FANCC: variants seen among roughly 807,000 people sequenced by gnomAD.
FANCC encodes the protein Fanconi anemia group C protein.
Under a neutral mutation model 71.3 loss-of-function variants are expected in FANCC, and 55 were observed. That is an observed-to-expected ratio of 0.77 (90% CI 0.62 to 0.97). The LOEUF is 0.97. Among genes scored for constraint, FANCC ranks in the 50% least tolerant of loss-of-function variants. The probability of loss-of-function intolerance (pLI) is 0.00; values close to 1 mark genes in which losing one functional copy is unlikely to be tolerated. For missense variants in FANCC, 678 were observed against 670.9 expected (o/e 1.01, Z -0.12); for synonymous variants, 275 against 244.9 (o/e 1.12, Z -1.15).
intron 4 of FANCC, among the ~76,000 whole-genome samples, chr9:95,207,140 C>G (rs1428351152): frequency 6.6e-6 from 1 of 152,088 alleles, no homozygotes; most frequent in Non-Finnish European, 1.5e-5. Context: ...CAAGGAAGAC[C>G]CTAAACCTCC....
chr9:95,131,100 A>T (rs552608514), intron 8 of FANCC, among the ~76,000 whole-genome samples: 47 of 152,256 alleles, frequency 3.1e-4, no homozygotes, highest in Non-Finnish European at 6.6e-4. Context: ...TACACAAACA[A>T]TTTTTTCAGT....
At chr9:95,290,982 T>C (rs1833962602) in intron 1 of FANCC, among the ~76,000 whole-genome samples, 1 of 152,142 alleles carries the variant, frequency 6.6e-6, no homozygotes, top group African/African-American at 2.4e-5. Flanking sequence ...AAAAATCATA[T>C]GATCATCTCA....
At chr9:95,260,693 A>AAC (rs1309309424) in intron 1 of FANCC, among the ~76,000 whole-genome samples, 1 of 151,840 alleles carries the variant, frequency 6.6e-6, no homozygotes, top group Non-Finnish European at 1.5e-5. Flanking sequence ...ATATAAAAAA[A>AAC]AAAAAAAAAC....
intron 4 of FANCC, among the ~76,000 whole-genome samples, chr9:95,191,156 G>A (rs1322562792): frequency 6.6e-6 from 1 of 152,028 alleles, no homozygotes; most frequent in Non-Finnish European, 1.5e-5. Flanking sequence ...GGGGTCTTCT[G>A]TCATAAAAGA....
intron 7 of FANCC, among the ~76,000 whole-genome samples, chr9:95,138,880 C>T (rs745836965): frequency 5.3e-5 from 8 of 152,220 alleles, no homozygotes; most frequent in East Asian, 3.9e-4. Flanking sequence ...AGTTTGAAAA[C>T]GATGTGTGTT....
At chr9:95,110,674 C>A in intron 13 of FANCC, 1 of 1,051,636 alleles carries the variant, frequency 9.5e-7, no homozygotes, top group East Asian at 5.5e-5. Context: ...CAGAAAATGC[C>A]AAAGCCAAGA....
intron 10 of FANCC, among the ~76,000 whole-genome samples, chr9:95,124,296 G>A (rs762942636): frequency 3.3e-5 from 5 of 152,026 alleles, no homozygotes; most frequent in Non-Finnish European, 7.4e-5. Flanking sequence ...CACCACTCTC[G>A]ACAGGCAATG....
At chr9:95,255,156 G>C (rs532962391) in intron 1 of FANCC, among the ~76,000 whole-genome samples, 1 of 152,220 alleles carries the variant, frequency 6.6e-6, no homozygotes, top group African/African-American at 2.4e-5. Flanking sequence ...GTTCCCGCCT[G>C]CTGGCTCTGA....
rs199578111 is a variant in FANCC, at chr9:95,245,785, TACCTGGGA to T, written c.250+1639_250+1646del. Reference sequence around the variant, plus strand: ...GGTGGCAGGCACCTGTAATCCCAGCTACCTGGGAGGCTGAGGCAGGAGAATCACTTGAA... The same window carrying T: ...GGTGGCAGGCACCTGTAATCCCAGCTGGCTGAGGCAGGAGAATCACTTGAA... On this transcript the variant is annotated intron_variant, in intron 3 of 14. Coordinates refer to ENST00000289081, the MANE Select transcript of FANCC (RefSeq NM_000136.3). Among the ~76,000 whole-genome samples, 825 of 151,540 alleles carry T rather than the reference TACCTGGGA, an allele frequency of 5.4e-3. 17 individuals carry two copies. The highest frequency in any genetic ancestry group is 0.034 in the East Asian group (172 of 5,020).
chr9:95,237,089 T>C (rs1315023964), intron 4 of FANCC, among the ~76,000 whole-genome samples: 1 of 152,222 alleles, frequency 6.6e-6, no homozygotes, highest in Non-Finnish European at 1.5e-5. Flanking sequence ...ATAATTAATA[T>C]GTTAATAAAT....
intron 1 of FANCC, chr9:95,294,504 T>C (rs772447681): frequency 6.3e-7 from 1 of 1,580,076 alleles, no homozygotes; most frequent in Non-Finnish European, 8.7e-7. Context: ...CTCTGGGAAG[T>C]ATTCTGAAAC....
At chr9:95,229,421 G>C (rs1383899230) in intron 4 of FANCC, among the ~76,000 whole-genome samples, 5 of 152,090 alleles carry the variant, frequency 3.3e-5, no homozygotes, top group African/African-American at 1.2e-4. Context: ...GAGGCTGGTA[G>C]GAAGTGGTCA....
chr9:95,177,185 G>A (rs1482192090), intron 4 of FANCC, among the ~76,000 whole-genome samples: 2 of 152,158 alleles, frequency 1.3e-5, no homozygotes, highest in Non-Finnish European at 2.9e-5. Flanking sequence ...AGGCTACATG[G>A]GAGAGCCTAT....
chr9:95,240,718 C>T lies in FANCC; in HGVS notation c.276G>A (p.Trp92Ter). ...AYDESQKILI[W>*]CLCCLINKEP... Reference sequence around the variant, plus strand: ...CTTTGTTAATTAGACAACATAAGCACCATATTAGAATTTTTTGGCTTTCAT... The same window carrying T: ...CTTTGTTAATTAGACAACATAAGCATCATATTAGAATTTTTTGGCTTTCAT... The change falls in exon 4 of 15, where the codon TGG (tryptophan) becomes TGA (stop). Residue 92 changes from tryptophan to a stop codon, truncating the protein, a stop_gained. Transcript: ENST00000289081. LOFTEE classifies it high-confidence loss of function. The T allele has an allele frequency of 1.2e-6, 2 of 1,612,358 alleles. No individual in the cohort carries two copies. Among genetic ancestry groups the T allele is most frequent in the Non-Finnish European group, 1.7e-6 (2 of 1,179,084 alleles).
At chr9:95,206,475 C>T (rs1367665668) in intron 4 of FANCC, among the ~76,000 whole-genome samples, 1 of 152,108 alleles carries the variant, frequency 6.6e-6, no homozygotes, top group African/African-American at 2.4e-5. Context: ...AACAAGGAAA[C>T]CACTGAACAT....
At chr9:95,204,994 G>C (rs1048731822) in intron 4 of FANCC, among the ~76,000 whole-genome samples, 3 of 152,156 alleles carry the variant, frequency 2.0e-5, no homozygotes, top group Admixed American at 6.5e-5. Flanking sequence ...TTGGCAAGAA[G>C]CATCAGAATA....
intron 6 of FANCC, among the ~76,000 whole-genome samples, chr9:95,155,383 A>C (rs1830419336): frequency 1.3e-5 from 2 of 148,668 alleles, no homozygotes; most frequent in African/African-American, 5.0e-5. Context: ...GGAAAAAGAA[A>C]ATATTCGTAA....
intron 1 of FANCC, among the ~76,000 whole-genome samples, chr9:95,311,707 A>ATGTGTG (rs1365951838): frequency 1.4e-4 from 13 of 93,938 alleles, no homozygotes; most frequent in African/African-American, 6.5e-4. Context: ...TCTCCTCTGA[A>ATGTGTG]TCTGTGTGTG....
chr9:95,304,055 C>T (rs1010094707), intron 1 of FANCC, among the ~76,000 whole-genome samples: 1 of 152,142 alleles, frequency 6.6e-6, no homozygotes, highest in African/African-American at 2.4e-5. Flanking sequence ...TAAACAATGC[C>T]TCACAATTCT....
Sources: gnomAD v4.1 joint callset for allele counts (sites outside exome capture counted in the v4.1 genomes callset) on GRCh38, gnomAD v4.1.1 for gene constraint, MANE v1.5 for transcripts, NCBI Gene and HGNC (gene_info 2026-07-23, HGNC 2026-07-21) for gene names.